Variants in GALNT17 observed in about 807,000 individuals in gnomAD.
The protein encoded by GALNT17 is polypeptide N-acetylgalactosaminyltransferase 17.
In GALNT17, 29 loss-of-function variants were observed where a neutral mutation model predicts 63.7. The observed-to-expected ratio is 0.46, with a 90% CI of 0.34 to 0.62. GALNT17 has a LOEUF of 0.62. GALNT17 is among the 20% of genes least tolerant of loss of function. The pLI is 0.01. For missense variants in GALNT17, 603 were observed against 799.6 expected (o/e 0.75, Z 2.97); for synonymous variants, 305 against 318.3 (o/e 0.96, Z 0.45).
chr7:71,153,928 T>C (rs1788180619), intron 1 of GALNT17, among the ~76,000 whole-genome samples: 1 of 142,178 alleles, frequency 7.0e-6, no homozygotes, highest in Non-Finnish European at 1.6e-5. Flanking sequence ...AGTAATAAAA[T>C]AAAATAAAAA....
At chr7:71,434,339 G>A (rs186459096) in intron 5 of GALNT17, among the ~76,000 whole-genome samples, 50 of 152,258 alleles carry the variant, frequency 3.3e-4, no homozygotes, top group African/African-American at 1.1e-3. Context: ...TGAAGGTTTA[G>A]CATCACACAG....
chr7:71,188,979 A>G (rs1788902433), intron 1 of GALNT17, among the ~76,000 whole-genome samples: 1 of 152,186 alleles, frequency 6.6e-6, no homozygotes, highest in Admixed American at 6.6e-5. Flanking sequence ...TGAAGAAGAA[A>G]AAATGAGGTT....
chr7:71,712,329 G>T lies in GALNT17; in HGVS notation c.*183G>T. On this transcript the variant is annotated 3_prime_UTR_variant, in exon 11 of 11. Coordinates refer to ENST00000333538, the MANE Select transcript of GALNT17 (RefSeq NM_022479.3). ...GACTCTGTCCCCCCTCAGGCATTCA[G>T]CTGCCCACAAGTTTCCTGCACCCTG... 1.5e-6 allele frequency: 1 copy of T among 648,308 alleles called. No individual in the cohort carries two copies. The highest frequency in any genetic ancestry group is 2.4e-6 in the Non-Finnish European group (1 of 408,682). The allele number at this position is 648,308 out of a possible 1,614,324, so 40.2% of individuals were successfully genotyped here. A position where few individuals can be genotyped will look rare whatever the true frequency, so the allele number is the denominator to read the frequency against.
At chr7:71,595,107 A>G (rs1789866227) in intron 6 of GALNT17, among the ~76,000 whole-genome samples, 1 of 152,184 alleles carries the variant, frequency 6.6e-6, no homozygotes, top group South Asian at 2.1e-4. Flanking sequence ...ACTGATGGCC[A>G]CCACCAAAAG....
intron 9 of GALNT17, among the ~76,000 whole-genome samples, chr7:71,688,424 A>G (rs1294442042): frequency 6.6e-6 from 1 of 152,062 alleles, no homozygotes. Context: ...ATGCAGTTTT[A>G]CATGCTTTCT....
chr7:71,471,407 A>AC (rs1245248304), intron 5 of GALNT17, among the ~76,000 whole-genome samples: 8 of 149,182 alleles, frequency 5.4e-5, no homozygotes, highest in South Asian at 2.1e-4. Flanking sequence ...TCCAAAAAAA[A>AC]AAAAAAACAA....
At chr7:71,537,348 T>C (rs1285669659) in intron 5 of GALNT17, among the ~76,000 whole-genome samples, 5 of 152,184 alleles carry the variant, frequency 3.3e-5, no homozygotes, top group Non-Finnish European at 7.3e-5. Flanking sequence ...ACATCCTGAT[T>C]CCCAAGCCTG....
intron 1 of GALNT17, among the ~76,000 whole-genome samples, chr7:71,266,590 G>C (rs567068980): frequency 1.3e-5 from 2 of 152,270 alleles, no homozygotes; most frequent in African/African-American, 4.8e-5. Context: ...GGCTCAGGTA[G>C]AGCTTTATAG....
At chr7:71,481,504 C>T (rs1787817016) in intron 5 of GALNT17, among the ~76,000 whole-genome samples, 2 of 152,150 alleles carry the variant, frequency 1.3e-5, no homozygotes, top group South Asian at 4.1e-4. Context: ...GTGTGCTGGG[C>T]CTGGCTGAAC....
Position 71,335,689 on chromosome 7 carries a change from A to T in GALNT17, c.378A>T (p.Glu126Asp). 1 of 1,612,112 alleles carries T rather than the reference A, an allele frequency of 6.2e-7. No individual in the cohort carries two copies. Among genetic ancestry groups the T allele is most frequent in the South Asian group, 1.1e-5 (1 of 90,580 alleles). The change falls in exon 2 of 11, where the codon GAA becomes GAT. Residue 126 changes from glutamate (E) to aspartate (D), a missense_variant. By Grantham distance (45) the Glu-to-Asp change is conservative. Coordinates refer to ENST00000333538, the MANE Select transcript of GALNT17 (RefSeq NM_022479.3). ...ATGGCTACAATTCATACCTCAGTGA[A>T]AAAATTTCACTGGACCGTTCCATTC... is the stretch of plus-strand genomic sequence containing the variant. ...EKYGYNSYLS[E>D]KISLDRSIPD...
chr7:71,279,201 G>A (rs2115743139), intron 1 of GALNT17, among the ~76,000 whole-genome samples: 1 of 151,912 alleles, frequency 6.6e-6, no homozygotes, highest in Non-Finnish European at 1.5e-5. Context: ...GTGTATCTCT[G>A]TATATTCCCC....
At chr7:71,670,772 A>T (rs1003308355) in intron 8 of GALNT17, among the ~76,000 whole-genome samples, 2 of 152,162 alleles carry the variant, frequency 1.3e-5, no homozygotes, top group Non-Finnish European at 2.9e-5. Flanking sequence ...TAGAGAAATT[A>T]TCTAACTTAC....
At chr7:71,283,348 A>AT (rs1375970679) in intron 1 of GALNT17, among the ~76,000 whole-genome samples, 1 of 151,816 alleles carries the variant, frequency 6.6e-6, no homozygotes, top group East Asian at 1.9e-4. Context: ...CTTTTATTTT[A>AT]TTTTTTTGTG....
intron 6 of GALNT17, among the ~76,000 whole-genome samples, chr7:71,580,800 T>A (rs888922429): frequency 6.6e-6 from 1 of 152,100 alleles, no homozygotes. Context: ...GGAAAGATTA[T>A]ATGATAAATC....
At chr7:71,487,639 G>C (rs1390168725) in intron 5 of GALNT17, among the ~76,000 whole-genome samples, 1 of 152,128 alleles carries the variant, frequency 6.6e-6, no homozygotes, top group Non-Finnish European at 1.5e-5. Flanking sequence ...TTAGCTGGGT[G>C]TGGTAGTGCA....
chr7:71,428,836 C>T (rs190032578), intron 5 of GALNT17, among the ~76,000 whole-genome samples: 3 of 152,296 alleles, frequency 2.0e-5, no homozygotes, highest in Admixed American at 6.5e-5. Context: ...GGTGGAAAGA[C>T]GGCTTCCCTG....
At chr7:71,265,098 T>TTTTTTATA (rs144493671) in intron 1 of GALNT17, among the ~76,000 whole-genome samples, 1 of 78,384 alleles carries the variant, frequency 1.3e-5, no homozygotes, top group African/African-American at 4.6e-5. Context: ...CCCATAAATA[T>TTTTTTATA]TATATATATA....
At chr7:71,472,506 G>T (rs1425990560) in intron 5 of GALNT17, among the ~76,000 whole-genome samples, 1 of 151,990 alleles carries the variant, frequency 6.6e-6, no homozygotes, top group Non-Finnish European at 1.5e-5. Flanking sequence ...GGCCAACATG[G>T]TGAAACCCCG....
intron 9 of GALNT17, among the ~76,000 whole-genome samples, chr7:71,684,499 C>T (rs1195861602): frequency 3.3e-5 from 5 of 152,118 alleles, no homozygotes; most frequent in African/African-American, 4.8e-5. Flanking sequence ...CCCATAGCCG[C>T]GTGTTCCAGC....
Sources: allele counts gnomAD v4.1 joint callset (sites outside exome capture counted in the v4.1 genomes callset), GRCh38; gene constraint gnomAD v4.1.1; transcripts MANE v1.5; gene names NCBI Gene and HGNC (gene_info 2026-07-23, HGNC 2026-07-21).